ST18: variants seen among roughly 807,000 people sequenced by gnomAD.
ST18 encodes the protein ST18 C2H2C-type zinc finger transcription factor, also known as suppression of tumorigenicity 18 protein.
ST18 carries 50 observed loss-of-function variants against 110.0 expected under a neutral mutation model. That is an observed-to-expected ratio of 0.45 (90% CI 0.36 to 0.58). The LOEUF is 0.58. ST18 is among the 20% of genes least tolerant of loss of function. The pLI, the probability that ST18 is intolerant of heterozygous loss-of-function variation, is 0.00. For synonymous variants in ST18, 461 were observed against 452.4 expected, an observed-to-expected ratio of 1.02 and a Z score of -0.24; for missense variants, 1,306 against 1,280.1, an observed-to-expected ratio of 1.02 and a Z score of -0.31.
At position 52,357,713 on chromosome 8, in the gene ST18, AT is replaced by A. The variant is rs1564568602; in HGVS notation, c.-465+51614del. On this transcript the variant is annotated intron_variant, in intron 2 of 25. Coordinates refer to ENST00000689386, the MANE Select transcript of ST18 (RefSeq NM_001352837.2). ...TATATATATATATATATATATATAT[AT>A]ATATATATATATATATAAAACAGAC... is the stretch of plus-strand genomic sequence containing the variant. 1.6e-3 allele frequency among the ~76,000 whole-genome samples: 118 copies of A among 75,166 alleles called. 1 individual carries two copies. Among genetic ancestry groups the A allele is most frequent in the Non-Finnish European group, 2.2e-3 (97 of 43,216 alleles). 49.3% of individuals were successfully genotyped at this position (75,166 alleles called of 152,430 possible). A position where few individuals can be genotyped will look rare whatever the true frequency, so the allele number is the denominator to read the frequency against.
intron 2 of ST18, among the ~76,000 whole-genome samples, chr8:52,319,170 A>AT (rs914291885): frequency 2.0e-5 from 3 of 152,054 alleles, no homozygotes; most frequent in Non-Finnish European, 4.4e-5. Context: ...GTGGCCTGTA[A>AT]TTTTTTTTAT....
rs370643510 is a variant in ST18 at position 52,300,013 on chromosome 8, C to A, written c.-464-69936G>T. Among the ~76,000 whole-genome samples the A allele has an allele frequency of 5.3e-5, 8 of 152,182 alleles. No individual in the cohort carries two copies. In the East Asian group the frequency reaches 1.3e-3, roughly 26 times the overall value. On this transcript the variant is annotated intron_variant, in intron 2 of 25. Transcript: ENST00000689386. ...GCGTTGGCAGATAACACTCTTAGGG[C>A]ACAAGTTGCTTTGACACTTTTTGAT...
intron 2 of ST18, among the ~76,000 whole-genome samples, chr8:52,276,393 G>A (rs75464059): frequency 0.042 from 5,851 of 140,304 alleles, 389 homozygotes; most frequent in African/African-American, 0.15. Flanking sequence ...TACACCATAC[G>A]TTCACATACA....
Position 52,158,951 on chromosome 8 carries a change from A to G in ST18, c.1753T>C (p.Cys585Arg), listed in dbSNP as rs746687384. 2 of 1,613,918 alleles carry G rather than the reference A, an allele frequency of 1.2e-6. No homozygotes were observed. Among genetic ancestry groups the G allele is most frequent in the African/African-American group, 2.7e-5 (2 of 74,922 alleles). Residue 585 changes from cysteine (C) to arginine (R), a missense_variant, in exon 15 of 26, where the codon TGC becomes CGC. Transcript: ENST00000689386. ...AAAILNLSTR[C>R]REATDILSNK... The stretch of plus-strand genomic sequence containing the variant: ...GAGAGGATGTCTGTGGCTTCCCTGC[A>G]GCGGGTGGAAAGGTTCAGGATGGCA...
intron 2 of ST18, chr8:52,249,214 CTG>C (rs1322130652): frequency 2.0e-5 from 3 of 152,168 alleles, no homozygotes; most frequent in Non-Finnish European, 4.4e-5. Context: ...AATAAGAACA[CTG>C]ATCACTGAAG....
chr8:52,322,363 A>G (rs1804332446), intron 2 of ST18, among the ~76,000 whole-genome samples: 1 of 152,202 alleles, frequency 6.6e-6, no homozygotes, highest in Non-Finnish European at 1.5e-5. Context: ...TGAACTTGCA[A>G]CAAAGGGCAG....
chr8:52,261,168 A>C (rs17223215), intron 2 of ST18, among the ~76,000 whole-genome samples: 46,476 of 152,128 alleles, frequency 0.31, 7,330 homozygotes, highest in Middle Eastern at 0.45. Context: ...GAAAACTCAC[A>C]TAAATAAATC....
chr8:52,253,366 G>A (rs1257022146), intron 2 of ST18, among the ~76,000 whole-genome samples: 1 of 151,916 alleles, frequency 6.6e-6, no homozygotes, highest in Non-Finnish European at 1.5e-5. Flanking sequence ...TTTTGTCCAA[G>A]GTTAGTATTT....
intron 8 of ST18, among the ~76,000 whole-genome samples, chr8:52,200,839 G>A (rs1200484211): frequency 1.3e-5 from 2 of 152,164 alleles, no homozygotes; most frequent in African/African-American, 4.8e-5. Flanking sequence ...TTACTGACAC[G>A]GGAAGCAGGT....
At chr8:52,338,511 C>A (rs1411180286) in intron 2 of ST18, among the ~76,000 whole-genome samples, 1 of 151,896 alleles carries the variant, frequency 6.6e-6, no homozygotes, top group Non-Finnish European at 1.5e-5. Context: ...GCAGCCTCGA[C>A]CTCCTGGGCA....
At chr8:52,388,451 G>C (rs1045782354) in intron 2 of ST18, among the ~76,000 whole-genome samples, 2 of 152,004 alleles carry the variant, frequency 1.3e-5, no homozygotes, top group Non-Finnish European at 2.9e-5. Flanking sequence ...ATATTTATAG[G>C]AGCACGTTGC....
chr8:52,113,424 T>A, intron 25 of ST18, 86 bp from the exon 26 acceptor site: 1 of 1,539,494 alleles, frequency 6.5e-7, no homozygotes, highest in South Asian at 1.2e-5. Flanking sequence ...AGATCAGTGA[T>A]CCGGGAGTCG....
At chr8:52,351,266 G>A (rs1028295510) in intron 2 of ST18, among the ~76,000 whole-genome samples, 3 of 152,148 alleles carry the variant, frequency 2.0e-5, no homozygotes, top group Non-Finnish European at 4.4e-5. Context: ...ACAAACTCCT[G>A]TTTCAAGTGA....
intron 13 of ST18, among the ~76,000 whole-genome samples, chr8:52,162,126 A>C (rs1480647104): frequency 1.3e-5 from 2 of 152,094 alleles, no homozygotes; most frequent in Non-Finnish European, 2.9e-5. Context: ...CAGGAGAATC[A>C]CTTGAACCTA....
At chr8:52,279,165 G>A (rs1400081922) in intron 2 of ST18, among the ~76,000 whole-genome samples, 2 of 152,100 alleles carry the variant, frequency 1.3e-5, no homozygotes, top group Admixed American at 1.3e-4. Flanking sequence ...CATAGTTAAA[G>A]CAATCAATGA....
intron 22 of ST18, among the ~76,000 whole-genome samples, chr8:52,131,509 T>A (rs2049560536): frequency 6.6e-6 from 1 of 152,088 alleles, no homozygotes; most frequent in Admixed American, 6.6e-5. Flanking sequence ...TGCGGATGAG[T>A]CACATCCTCC....
chr8:52,278,289 C>T (rs2095312060), intron 2 of ST18, among the ~76,000 whole-genome samples: 1 of 152,158 alleles, frequency 6.6e-6, no homozygotes, highest in African/African-American at 2.4e-5. Context: ...ATTCCATTTG[C>T]TGGGCAATAT....
intron 2 of ST18, among the ~76,000 whole-genome samples, chr8:52,381,180 AG>A (rs527691140): frequency 3.5e-4 from 53 of 152,120 alleles, no homozygotes; most frequent in Non-Finnish European, 5.1e-4. Context: ...GGAAAAGGAG[AG>A]GCATGTCCCA....
intron 16 of ST18, among the ~76,000 whole-genome samples, chr8:52,144,891 C>T (rs2056694348): frequency 6.6e-6 from 1 of 151,974 alleles, no homozygotes; most frequent in African/African-American, 2.4e-5. Flanking sequence ...GGCCTTAAAC[C>T]TGATAATTCC....
Sources: gnomAD v4.1 joint callset for allele counts (sites outside exome capture counted in the v4.1 genomes callset) on GRCh38, gnomAD v4.1.1 for gene constraint, MANE v1.5 for transcripts, NCBI Gene and HGNC (gene_info 2026-07-23, HGNC 2026-07-21) for gene names.